CDC42: variants seen among roughly 807,000 people sequenced by gnomAD.
The protein encoded by CDC42 is cell division cycle 42, also known as cell division control protein 42 homolog.
Under a neutral mutation model 20.8 loss-of-function variants are expected in CDC42, and 1 was observed. That is an observed-to-expected ratio of 0.05 (90% CI 0.02 to 0.23). The LOEUF is 0.23. Ranked by LOEUF, CDC42 falls within the 10% of genes least tolerant of loss-of-function variation. The pLI is 1.00. For synonymous variants in CDC42, 72 were observed against 84.8 expected (o/e 0.85, Z 0.83); for missense variants, 49 against 227.9 (o/e 0.21, Z 5.05).
intron 3 of CDC42, among the ~76,000 whole-genome samples, chr1:22,082,528 A>C (rs1020033201): frequency 2.0e-5 from 3 of 152,156 alleles, no homozygotes; most frequent in African/African-American, 4.8e-5. Context: ...GTGCCGTCTT[A>C]TTATCAGCTC....
chr1:22,072,091 CTTTTTTTTTTTTT>C (rs55929932), intron 1 of CDC42, among the ~76,000 whole-genome samples: 5 of 70,828 alleles, frequency 7.1e-5, no homozygotes, highest in South Asian at 6.9e-4. Flanking sequence ...TTTTACTTAC[CTTTTTTTTTTTTT>C]TTTTTTTTTT....
chr1:22,055,728 A>G lies in CDC42; in HGVS notation c.-51+2986A>G, dbSNP rs116226503. Among the ~76,000 whole-genome samples the G allele has an allele frequency of 4.5e-3, 682 of 151,966 alleles. 10 individuals are homozygous for G. Among genetic ancestry groups the G allele is most frequent in the African/African-American group, 0.016 (656 of 41,458 alleles). ...GATCTGGAATGCCTGAACTCAAGCT[A>G]TTTGCTCCTGTTGGCCTCTGAAAGT... On this transcript the variant is annotated intron_variant, in intron 1 of 5. Coordinates refer to ENST00000656825, the MANE Select transcript of CDC42 (RefSeq NM_001791.4).
Position 22,098,884 on chromosome 1 carries a change from G to A in CDC42, c.*7367G>A, listed in dbSNP as rs116017034. On this transcript the variant is annotated 3_prime_UTR_variant, in exon 6 of 6. Transcript: ENST00000656825. ...AGCGATCCTCCCGCCTCAGCCTCCC[G>A]AGTAGAAGGTACTACAGGTGTGTGA... is the stretch of plus-strand genomic sequence containing the variant. Among the ~76,000 whole-genome samples, 3,981 of 152,140 alleles carry A rather than the reference G, an allele frequency of 0.026. 79 individuals are homozygous for A. Among genetic ancestry groups the A allele is most frequent in the South Asian group, 0.048 (230 of 4,810 alleles).
At chr1:22,073,576 T>C (rs868251202) in intron 1 of CDC42, among the ~76,000 whole-genome samples, 1 of 151,010 alleles carries the variant, frequency 6.6e-6, no homozygotes, top group Non-Finnish European at 1.5e-5. Flanking sequence ...CTAGAAGATA[T>C]GGGTATTGGA....
In CDC42 at chr1:22,094,294, A is replaced by ATTTTTTTT. The variant is rs747002932; in HGVS notation, c.*2791_*2798dup. Among the ~76,000 whole-genome samples, 62 of 38,296 alleles carry ATTTTTTTT rather than the reference A, an allele frequency of 1.6e-3. 23 individuals carry two copies. The highest frequency in any genetic ancestry group is 5.0e-3 in the African/African-American group (41 of 8,198). The allele number at this position is 38,296 out of a possible 152,430, so 25.1% of individuals were successfully genotyped here. ...GTTTTACTGAACATCCTAGAAATAG[A>ATTTTTTTT]TTTTTTTTTTTTTTTTTTTTTGAGA... On this transcript the variant is annotated 3_prime_UTR_variant, in exon 6 of 6. Transcript: ENST00000656825.
chr1:22,061,869 T>C (rs1019451455), intron 1 of CDC42, among the ~76,000 whole-genome samples: 2 of 151,454 alleles, frequency 1.3e-5, no homozygotes, highest in Admixed American at 1.3e-4. Flanking sequence ...CCTAACTTGA[T>C]GTTTCTTAAA....
intron 1 of CDC42, chr1:22,053,338 G>C (rs1234306162): frequency 6.6e-6 from 1 of 151,842 alleles, no homozygotes; most frequent in Non-Finnish European, 1.5e-5. Context: ...CTGGCTGCTC[G>C]CGGCGGTGCC....
At chr1:22,053,089 C>T (rs1029321738) in intron 1 of CDC42, among the ~76,000 whole-genome samples, 1 of 151,340 alleles carries the variant, frequency 6.6e-6, no homozygotes, top group African/African-American at 2.4e-5. Context: ...CTCCCCTCCC[C>T]CCAGCCCGGC....
chr1:22,085,501 T>G (rs1645653225), intron 3 of CDC42, among the ~76,000 whole-genome samples: 1 of 152,202 alleles, frequency 6.6e-6, no homozygotes, highest in Non-Finnish European at 1.5e-5. Flanking sequence ...TGTAGGTTGC[T>G]TTGGATAATG....
At chr1:22,054,341 G>A (rs1477009946) in intron 1 of CDC42, among the ~76,000 whole-genome samples, 1 of 151,902 alleles carries the variant, frequency 6.6e-6, no homozygotes, top group Non-Finnish European at 1.5e-5. Context: ...TCAGCCTCCC[G>A]AGTAGCTGGT....
intron 1 of CDC42, among the ~76,000 whole-genome samples, chr1:22,078,142 G>A (rs1253874867): frequency 6.6e-6 from 1 of 152,174 alleles, no homozygotes; most frequent in Non-Finnish European, 1.5e-5. Flanking sequence ...CTCTGATACA[G>A]CCTCTTCTCT....
chr1:22,062,730 TAAAAAAAAA>T (rs531472151), intron 1 of CDC42, among the ~76,000 whole-genome samples: 30,535 of 69,502 alleles, frequency 0.44, 6,117 homozygotes, highest in African/African-American at 0.49. Flanking sequence ...TGGCTCTATT[TAAAAAAAAA>T]AAAAAAAAAA....
intron 1 of CDC42, among the ~76,000 whole-genome samples, chr1:22,077,410 C>G (rs766916510): frequency 6.6e-6 from 1 of 152,066 alleles, no homozygotes. Context: ...GTGAATGGTG[C>G]TATAGGAGCA....
rs1557912429 is a variant in CDC42 at position 22,097,064 on chromosome 1, C to T, written c.*5547C>T. 6.6e-6 allele frequency among the ~76,000 whole-genome samples: 1 copy of T among 152,198 alleles called. No individual in the cohort carries two copies. The highest frequency in any genetic ancestry group is 1.5e-5 in the Non-Finnish European group (1 of 68,036). On this transcript the variant is annotated 3_prime_UTR_variant, in exon 6 of 6. Transcript: ENST00000656825. ...CTTTTTAGTTCATATGTCACAATCA[C>T]AGAATTGAGACTAGCTAGTTTAAAT...
In CDC42 at chr1:22,061,528, C is replaced by CTTTTTTTTTTTTTTTT. The variant is rs1404317396; in HGVS notation, c.-51+8789_-51+8790insTTTTTTTTTTTTTTTT. Among the ~76,000 whole-genome samples the CTTTTTTTTTTTTTTTT allele has an allele frequency of 7.0e-5, 6 of 86,306 alleles. 1 individual carries two copies. The highest frequency in any genetic ancestry group is 1.1e-4 in the Non-Finnish European group (5 of 45,674). The allele number at this position is 86,306 out of a possible 152,430, so 56.6% of individuals were successfully genotyped here. On this transcript the variant is annotated intron_variant, in intron 1 of 5. Coordinates refer to ENST00000656825, the MANE Select transcript of CDC42 (RefSeq NM_001791.4). ...GGTCAATCAGTTTAACTTCATGTTT[C>CTTTTTTTTTTTTTTTT]TTTCTTTTTTTTTTTTTTTTTTTTT...
In CDC42 at chr1:22,095,978, C is replaced by T. The variant is rs963342619; in HGVS notation, c.*4461C>T. On this transcript the variant is annotated 3_prime_UTR_variant, in exon 6 of 6. Coordinates refer to ENST00000656825, the MANE Select transcript of CDC42 (RefSeq NM_001791.4). ...ATTTATTTATTTATTTATTTATTTT[C>T]AGACGGGGTCTTGCACTGTTGCCCG... Among the ~76,000 whole-genome samples the T allele has an allele frequency of 6.8e-6, 1 of 146,826 alleles. No homozygotes were observed. Among genetic ancestry groups the T allele is most frequent in the Non-Finnish European group, 1.5e-5 (1 of 66,602 alleles).
At chr1:22,072,387 G>A (rs1234390899) in intron 1 of CDC42, among the ~76,000 whole-genome samples, 1 of 151,952 alleles carries the variant, frequency 6.6e-6, no homozygotes, top group African/African-American at 2.4e-5. Flanking sequence ...TTGAACCACC[G>A]TGCCTGGCCG....
At chr1:22,076,289 G>A (rs971895255) in intron 1 of CDC42, among the ~76,000 whole-genome samples, 3 of 152,016 alleles carry the variant, frequency 2.0e-5, no homozygotes, top group African/African-American at 7.2e-5. Context: ...GTGAAACCCT[G>A]TCTCTATTAA....
intron 2 of CDC42, among the ~76,000 whole-genome samples, chr1:22,080,569 C>G (rs373664994): frequency 3.3e-5 from 5 of 151,954 alleles, no homozygotes; most frequent in African/African-American, 1.2e-4. Flanking sequence ...GAAAGCTTTG[C>G]TTTTCTTTTT....
Sources: gnomAD v4.1 joint callset for allele counts (sites outside exome capture counted in the v4.1 genomes callset) on GRCh38, gnomAD v4.1.1 for gene constraint, MANE v1.5 for transcripts, NCBI Gene and HGNC (gene_info 2026-07-23, HGNC 2026-07-21) for gene names.